HERC5: variants seen among roughly 807,000 people sequenced by gnomAD.
HERC5 encodes the protein E3 ISG15--protein ligase HERC5.
In HERC5, 99 loss-of-function variants were observed where a neutral mutation model predicts 119.6. That is an observed-to-expected ratio of 0.83 (90% CI 0.70 to 0.98). HERC5 has a LOEUF of 0.98. Among genes scored for constraint, HERC5 ranks in the 50% least tolerant of loss-of-function variants. The pLI, the probability that HERC5 is intolerant of heterozygous loss-of-function variation, is 0.00. For synonymous variants in HERC5, 478 were observed against 445.9 expected, an observed-to-expected ratio of 1.07 and a Z score of -0.91; for missense variants, 1,267 against 1,241.3, an observed-to-expected ratio of 1.02 and a Z score of -0.31.
At position 88,467,102 on chromosome 4, in the gene HERC5, T is replaced by C. The variant is rs1259315495; in HGVS notation, c.955T>C (p.Ser319Pro). 2 of 1,614,194 alleles carry C rather than the reference T, an allele frequency of 1.2e-6. No individual in the cohort carries two copies. The highest frequency in any genetic ancestry group is 1.7e-6 in the Non-Finnish European group (2 of 1,180,018). Reference sequence around the variant, plus strand: ...TGTTTCTGATTTGGGAAAGGTCTTTTCCTTTGGTTCTGGAAAAGATGGACA... The same window carrying C: ...TGTTTCTGATTTGGGAAAGGTCTTTCCCTTTGGTTCTGGAAAAGATGGACA... ...AYVSDLGKVF[S>P]FGSGKDGQLG... The change falls in exon 7 of 23, where the codon TCC becomes CCC. Residue 319 changes from serine (S) to proline (P), a missense_variant. By Grantham distance (74) the Ser-to-Pro change is moderately conservative. Coordinates refer to ENST00000264350, the MANE Select transcript of HERC5 (RefSeq NM_016323.4).
Position 88,457,199 on chromosome 4 carries a change from T to G in HERC5, c.-71T>G. On this transcript the variant is annotated 5_prime_UTR_variant, in exon 1 of 23. Coordinates refer to ENST00000264350, the MANE Select transcript of HERC5 (RefSeq NM_016323.4). ...CTCTGCAGCGCAACGCCTGAGGCAG[T>G]GGGCGCGCTCAGTCCCGGGACCAGG... is the stretch of plus-strand genomic sequence containing the variant. 1 of 1,242,590 alleles carries G rather than the reference T, an allele frequency of 8.0e-7. No individual in the cohort carries two copies. Among genetic ancestry groups the G allele is most frequent in the African/African-American group, 1.6e-5 (1 of 64,450 alleles). The allele number at this position is 1,242,590 out of a possible 1,614,324, so 77.0% of individuals were successfully genotyped here.
In HERC5 at chr4:88,479,394, C is replaced by T; in HGVS notation, c.1624C>T (p.Leu542=). ...TCTGCAAGAATCCACTTTCAGCAAA[C>T]TGGTCCAGATGTTTAAAACAGCCGT... is the stretch of plus-strand genomic sequence containing the variant. ...ATLQESTFSK[L]VQMFKTAVIC... The change falls in exon 13 of 23, where the codon CTG becomes TTG. Residue 542 remains leucine, a synonymous_variant. Transcript: ENST00000264350. The T allele has an allele frequency of 6.2e-7, 1 of 1,611,040 alleles. No individual in the cohort carries two copies. The highest frequency in any genetic ancestry group is 8.5e-7 in the Non-Finnish European group (1 of 1,179,150).
At chr4:88,468,772 G>A (rs1740764502) in intron 8 of HERC5, among the ~76,000 whole-genome samples, 1 of 152,156 alleles carries the variant, frequency 6.6e-6, no homozygotes, top group Non-Finnish European at 1.5e-5. Flanking sequence ...AGGTTCATGG[G>A]CTTGCAAATA....
intron 1 of HERC5, chr4:88,458,219 C>T (rs1740255843): frequency 2.9e-6 from 1 of 342,830 alleles, no homozygotes; most frequent in Non-Finnish European, 4.1e-6. Context: ...TTTTGCACGT[C>T]GTACATGTAA....
chr4:88,457,425 G>C lies in HERC5; in HGVS notation c.156G>C (p.Val52=). The change falls in exon 1 of 23, where the codon GTG becomes GTC. Residue 52 remains valine (V), a synonymous_variant. Transcript: ENST00000264350. The part of the protein sequence containing the change: ...LHRALLRRVE[V]TRQLCCSPGR... ...GCGCGCTGCTCCGGAGGGTGGAGGT[G>C]ACGCGCCAACTCTGCTGCTCGCCGG... is the stretch of plus-strand genomic sequence containing the variant. 1.5e-6 allele frequency: 2 copies of C among 1,371,974 alleles called. No individual in the cohort carries two copies. Among genetic ancestry groups the C allele is most frequent in the Non-Finnish European group, 1.9e-6 (2 of 1,065,906 alleles). The allele number at this position is 1,371,974 out of a possible 1,614,324, so 85.0% of individuals were successfully genotyped here. A position where few individuals can be genotyped will look rare whatever the true frequency, so the allele number is the denominator to read the frequency against.
At position 88,457,385 on chromosome 4, in the gene HERC5, C is replaced by T. The variant is rs2149079897; in HGVS notation, c.116C>T (p.Ala39Val). Residue 39 changes from alanine (A) to valine (V), a missense_variant, in exon 1 of 23, where the codon GCC becomes GTC. By Grantham distance (64) the Ala-to-Val change is moderately conservative (BLOSUM62 0). Around this residue, in one of 3 missense-constraint regions of HERC5, gnomAD observed 777 missense variants for 758.0 expected, o/e 1.03. Transcript: ENST00000264350. ...PGAQLWLFPS[A>V]AGLHRALLRR... ...GCACAGCTCTGGCTCTTTCCCAGCG[C>T]CGCGGGCCTCCACCGCGCGCTGCTC... The T allele has an allele frequency of 7.1e-7, 1 of 1,408,422 alleles. No homozygotes were observed. The highest frequency in any genetic ancestry group is 9.2e-7 in the Non-Finnish European group (1 of 1,082,166). 87.2% of individuals were successfully genotyped at this position (1,408,422 alleles called of 1,614,324 possible).
At chr4:88,496,626 T>TAATCC (rs1467777578) in intron 18 of HERC5, among the ~76,000 whole-genome samples, 1 of 152,318 alleles carries the variant, frequency 6.6e-6, no homozygotes, top group East Asian at 1.9e-4. Flanking sequence ...TCTTATGCCA[T>TAATCC]ACATGATAAT....
chr4:88,464,826 G>A (rs1372635964), intron 6 of HERC5, among the ~76,000 whole-genome samples: 8 of 151,842 alleles, frequency 5.3e-5, no homozygotes, highest in Admixed American at 4.6e-4. Flanking sequence ...GCTGGAGTGC[G>A]GTGGCGCAAT....
intron 4 of HERC5, among the ~76,000 whole-genome samples, chr4:88,463,084 C>T (rs1740507986): frequency 6.6e-6 from 1 of 152,154 alleles, no homozygotes; most frequent in African/African-American, 2.4e-5. Flanking sequence ...GAGAATAAAG[C>T]GGCCATTAAA....
intron 16 of HERC5, among the ~76,000 whole-genome samples, chr4:88,491,154 GA>G (rs1741626211): frequency 6.6e-6 from 1 of 152,176 alleles, no homozygotes; most frequent in African/African-American, 2.4e-5. Context: ...AGAAGAGGGG[GA>G]AGGGTTTGAC....
chr4:88,461,363 T>C (rs1052810062), intron 3 of HERC5, among the ~76,000 whole-genome samples: 2 of 152,176 alleles, frequency 1.3e-5, no homozygotes, highest in African/African-American at 4.8e-5. Context: ...TCAGAGTTTA[T>C]TACTAGTAAA....
chr4:88,472,313 A>G (rs1740902694), intron 10 of HERC5, 96 bp from the exon 11 acceptor site: 1 of 717,228 alleles, frequency 1.4e-6, no homozygotes, highest in Non-Finnish European at 2.5e-6. Context: ...CACTTGAGAA[A>G]AAAGGTAATT....
At chr4:88,460,224 T>C in intron 3 of HERC5, 53 bp downstream of exon 3, 1 of 866,172 alleles carries the variant, frequency 1.2e-6, no homozygotes, top group Non-Finnish European at 1.9e-6. Flanking sequence ...TGTGTGTATA[T>C]GTGGAGCCAG....
chr4:88,495,818 G>A (rs1309233344), intron 18 of HERC5, among the ~76,000 whole-genome samples: 2 of 152,102 alleles, frequency 1.3e-5, no homozygotes, highest in African/African-American at 4.8e-5. Context: ...TATTTTACTG[G>A]AAACATCGAA....
chr4:88,488,400 T>G (rs1222818794), intron 15 of HERC5, among the ~76,000 whole-genome samples: 3 of 151,808 alleles, frequency 2.0e-5, no homozygotes, highest in Non-Finnish European at 4.4e-5. Context: ...CCCAGCTAAT[T>G]TTTGTATTTT....
At position 88,476,079 on chromosome 4, in the gene HERC5, A is replaced by G. The variant is rs375673452; in HGVS notation, c.1582+49A>G. ...CTTTACCTGTCTTCTCAGTGGAAAG[A>G]CATGTCTAGTAAAGTTATGGCAAAA... On this transcript the variant is annotated intron_variant, in intron 12 of 22. Transcript: ENST00000264350. The G allele has an allele frequency of 4.3e-5, 63 of 1,468,064 alleles. No homozygotes were observed. In the Admixed American group the frequency reaches 7.8e-4, roughly 18 times the overall value. 90.9% of individuals were successfully genotyped at this position (1,468,064 alleles called of 1,614,324 possible). A position where few individuals can be genotyped will look rare whatever the true frequency, so the allele number is the denominator to read the frequency against.
intron 18 of HERC5, among the ~76,000 whole-genome samples, chr4:88,499,443 T>C (rs1456406944): frequency 6.6e-6 from 1 of 152,224 alleles, no homozygotes; most frequent in African/African-American, 2.4e-5. Flanking sequence ...CTGAAATTAT[T>C]AAGGTAGTCT....
chr4:88,489,064 C>T (rs867070079), intron 15 of HERC5, 102 bp from the exon 16 acceptor site: 8 of 847,986 alleles, frequency 9.4e-6, no homozygotes, highest in African/African-American at 6.9e-5. Context: ...TAAATGTGAC[C>T]TGCACTTATA....
At chr4:88,498,127 G>T (rs149084453) in intron 18 of HERC5, among the ~76,000 whole-genome samples, 1 of 152,266 alleles carries the variant, frequency 6.6e-6, no homozygotes, top group East Asian at 1.9e-4. Context: ...AGATATCAAA[G>T]GATACTCCAC....
Sources: allele counts gnomAD v4.1 joint callset (sites outside exome capture counted in the v4.1 genomes callset), GRCh38; gene constraint gnomAD v4.1.1; regional missense constraint gnomAD v4.1.1; transcripts MANE v1.5; gene names NCBI Gene and HGNC (gene_info 2026-07-23, HGNC 2026-07-21).